PEX5L: variants seen among roughly 807,000 people sequenced by gnomAD.
PEX5L encodes the protein peroxisomal biogenesis factor 5 like, also known as PEX5-related protein.
A neutral mutation model predicts 84.0 loss-of-function variants in PEX5L; 30 were observed. That is an observed-to-expected ratio of 0.36 (90% confidence interval 0.27 to 0.48). PEX5L has a LOEUF of 0.48. Among genes scored for constraint, PEX5L ranks in the 20% least tolerant of loss-of-function variants. The probability of loss-of-function intolerance (pLI) is 0.99; values close to 1 mark genes in which losing one functional copy is unlikely to be tolerated. For missense variants in PEX5L, 533 were observed against 754.6 expected, an observed-to-expected ratio of 0.71 and a Z score of 3.44; for synonymous variants, 270 against 283.1, an observed-to-expected ratio of 0.95 and a Z score of 0.46.
chr3:179,846,118 C>T (rs937236366), intron 8 of PEX5L, among the ~76,000 whole-genome samples: 5 of 151,878 alleles, frequency 3.3e-5, no homozygotes, highest in African/African-American at 9.7e-5. Context: ...TGCAGGGAGC[C>T]GAGGGCACAC....
chr3:179,918,389 T>C (rs1278985955), intron 2 of PEX5L, among the ~76,000 whole-genome samples: 1 of 152,358 alleles, frequency 6.6e-6, no homozygotes, highest in Non-Finnish European at 1.5e-5. Flanking sequence ...GATTTGGGGA[T>C]AGGTACGTCT....
intron 1 of PEX5L, among the ~76,000 whole-genome samples, chr3:180,018,238 T>C (rs1579363714): frequency 6.6e-6 from 1 of 152,246 alleles, no homozygotes; most frequent in East Asian, 1.9e-4. Context: ...AATATTTTTA[T>C]ACATATATAT....
chr3:179,854,931 A>T (rs1160501970), intron 8 of PEX5L, among the ~76,000 whole-genome samples: 1 of 152,234 alleles, frequency 6.6e-6, no homozygotes, highest in East Asian at 1.9e-4. Context: ...GGCCTAGGTG[A>T]TGCAATGGCA....
intron 10 of PEX5L, among the ~76,000 whole-genome samples, chr3:179,815,516 C>T (rs890700580): frequency 2.6e-5 from 4 of 152,096 alleles, no homozygotes; most frequent in East Asian, 1.9e-4. Flanking sequence ...ACCTGGGAGG[C>T]GGAGGTTGCA....
rs559528599 is a variant in PEX5L, at chr3:179,950,041, A to G, written c.93+21553T>C. On this transcript the variant is annotated intron_variant, in intron 2 of 14. Coordinates refer to ENST00000467460, the MANE Select transcript of PEX5L (RefSeq NM_016559.3). ...GGATCTGCTGTAAAAGGACCGGCCT[A>G]TTGGTACTGTGAAACTGTGGTCGAA... Among the ~76,000 whole-genome samples, 40 of 152,242 alleles carry G rather than the reference A, an allele frequency of 2.6e-4. No homozygotes were observed. In the South Asian group the frequency reaches 6.0e-3, roughly 23 times the overall value.
At chr3:179,861,106 T>G (rs765007315) in intron 7 of PEX5L, among the ~76,000 whole-genome samples, 6 of 152,280 alleles carry the variant, frequency 3.9e-5, no homozygotes, top group African/African-American at 1.4e-4. Flanking sequence ...GTTTATTTAT[T>G]AAAACATTAA....
intron 1 of PEX5L, among the ~76,000 whole-genome samples, chr3:179,990,191 T>G (rs1787249520): frequency 6.6e-6 from 1 of 152,242 alleles, no homozygotes; most frequent in South Asian, 2.1e-4. Flanking sequence ...ATTTCTAGTG[T>G]CTTCCAGTCC....
In PEX5L at chr3:179,955,478, C is replaced by CTTT. The variant is rs397967053; in HGVS notation, c.93+16113_93+16115dup. On this transcript the variant is annotated intron_variant, in intron 2 of 14. Coordinates refer to ENST00000467460, the MANE Select transcript of PEX5L (RefSeq NM_016559.3). Reference sequence around the variant, plus strand: ...GACTCACTATGAGTTCTGCTATGCTCTTTTTTTTTTTTTTTTTTTTCAAAA... The same window carrying CTTT: ...GACTCACTATGAGTTCTGCTATGCTCTTTTTTTTTTTTTTTTTTTTTTTCAAAA... Among the ~76,000 whole-genome samples the CTTT allele has an allele frequency of 3.4e-4, 18 of 53,712 alleles. 1 individual carries two copies. Among genetic ancestry groups the CTTT allele is most frequent in the Admixed American group, 6.4e-4 (3 of 4,698 alleles). The allele number at this position is 53,712 out of a possible 152,430, so 35.2% of individuals were successfully genotyped here. A position where few individuals can be genotyped will look rare whatever the true frequency, so the allele number is the denominator to read the frequency against.
chr3:179,871,778 C>T lies in PEX5L; in HGVS notation c.726+2549G>A, dbSNP rs76408879. On this transcript the variant is annotated intron_variant, in intron 7 of 14. Coordinates refer to ENST00000467460, the MANE Select transcript of PEX5L (RefSeq NM_016559.3). ...TTTACTTTCTGTAAATCTTCCTCCC[C>T]GTAGCTTCACTGGAGTCTTTCTGAG... 1.1e-4 allele frequency among the ~76,000 whole-genome samples: 17 copies of T among 152,336 alleles called. No homozygotes were observed. In the East Asian group the frequency reaches 2.7e-3, roughly 24 times the overall value.
intron 4 of PEX5L, among the ~76,000 whole-genome samples, chr3:179,886,574 C>T (rs1202739114): frequency 6.6e-6 from 1 of 152,130 alleles, no homozygotes; most frequent in East Asian, 1.9e-4. Flanking sequence ...TTACTATTAT[C>T]AGACAAATGA....
At chr3:179,907,563 C>T (rs1204406170) in intron 2 of PEX5L, among the ~76,000 whole-genome samples, 2 of 152,128 alleles carry the variant, frequency 1.3e-5, no homozygotes, top group Non-Finnish European at 2.9e-5. Context: ...ATCCTCCTGT[C>T]TTGGCCTCTC....
At chr3:179,922,511 C>T (rs911254967) in intron 2 of PEX5L, among the ~76,000 whole-genome samples, 7 of 148,964 alleles carry the variant, frequency 4.7e-5, no homozygotes, top group South Asian at 2.1e-4. Flanking sequence ...TGCAGTGGCG[C>T]GGTCTCGGCT....
chr3:179,957,525 G>T (rs1433155704), intron 2 of PEX5L, among the ~76,000 whole-genome samples: 5 of 152,176 alleles, frequency 3.3e-5, no homozygotes, highest in Non-Finnish European at 7.3e-5. Context: ...CCAACAACTT[G>T]GGATAAACTA....
chr3:179,890,630 C>T (rs1757315935), intron 3 of PEX5L, among the ~76,000 whole-genome samples: 1 of 152,018 alleles, frequency 6.6e-6, no homozygotes. Flanking sequence ...TGGAAAATCC[C>T]CTGTACTCTT....
intron 1 of PEX5L, among the ~76,000 whole-genome samples, chr3:180,005,853 G>A (rs547080648): frequency 6.6e-6 from 1 of 152,320 alleles, no homozygotes; most frequent in Admixed American, 6.5e-5. Context: ...ATGAGCCATT[G>A]TGCTCAGCTA....
At chr3:180,032,528 T>C (rs889508768) in intron 1 of PEX5L, among the ~76,000 whole-genome samples, 1 of 152,132 alleles carries the variant, frequency 6.6e-6, no homozygotes, top group Non-Finnish European at 1.5e-5. Flanking sequence ...GTTAATGCCT[T>C]AGCAAAGGGT....
At chr3:180,024,403 T>G (rs1412373655) in intron 1 of PEX5L, among the ~76,000 whole-genome samples, 1 of 135,928 alleles carries the variant, frequency 7.4e-6, no homozygotes, top group African/African-American at 2.8e-5. Context: ...AAATTAGCCG[T>G]GCGTGGTGGC....
chr3:179,869,214 A>G (rs1236970978), intron 7 of PEX5L, among the ~76,000 whole-genome samples: 1 of 152,184 alleles, frequency 6.6e-6, no homozygotes, highest in African/African-American at 2.4e-5. Context: ...TCCCCTTCCA[A>G]GTGTCCAAAT....
At position 179,798,037 on chromosome 3, in the gene PEX5L, A is replaced by AAAG. The variant is rs1717731759; in HGVS notation, c.*3788_*3790dup. On this transcript the variant is annotated 3_prime_UTR_variant, in exon 15 of 15. Transcript: ENST00000467460. ...AAAGAGTTTGGAAGCTTTTATTATA[A>AAAG]AAGTGGGACTAGCTACAACTGTATT... 6.6e-6 allele frequency: 1 copy of AAAG among 152,202 alleles called. No individual in the cohort carries two copies. Among genetic ancestry groups the AAAG allele is most frequent in the African/African-American group, 2.4e-5 (1 of 41,454 alleles). 9.4% of individuals were successfully genotyped at this position (152,202 alleles called of 1,614,324 possible).
Sources: allele counts gnomAD v4.1 joint callset (sites outside exome capture counted in the v4.1 genomes callset), GRCh38; gene constraint gnomAD v4.1.1; transcripts MANE v1.5; gene names NCBI Gene and HGNC (gene_info 2026-07-23, HGNC 2026-07-21).